The following ALCAM variants were observed in gnomAD, a reference collection of about 807,000 sequenced individuals.
The protein encoded by ALCAM is CD166 antigen.
ALCAM carries 30 observed loss-of-function variants against 70.9 expected under a neutral mutation model. The ratio of observed to expected loss-of-function variants is 0.42; its 90% CI spans 0.32 to 0.57. The LOEUF (loss-of-function observed/expected upper bound fraction) is 0.57. ALCAM is among the 20% of genes least tolerant of loss of function. The pLI is 0.11. For synonymous variants in ALCAM, 249 were observed against 242.5 expected (o/e 1.03, Z -0.25); for missense variants, 591 against 695.1 (o/e 0.85, Z 1.68).
At chr3:105,388,160 A>G (rs1935705735) in intron 1 of ALCAM, among the ~76,000 whole-genome samples, 1 of 151,656 alleles carries the variant, frequency 6.6e-6, no homozygotes, top group African/African-American at 2.4e-5. Flanking sequence ...AATTTTTGGG[A>G]GAGTATAATG....
chr3:105,445,712 C>T (rs1163829036), intron 1 of ALCAM, among the ~76,000 whole-genome samples: 1 of 151,992 alleles, frequency 6.6e-6, no homozygotes, highest in Non-Finnish European at 1.5e-5. Flanking sequence ...ACAAAGGTGC[C>T]AAGTATACAC....
intron 14 of ALCAM, among the ~76,000 whole-genome samples, chr3:105,565,216 C>CA (rs1940717025): frequency 6.6e-6 from 1 of 152,116 alleles, no homozygotes; most frequent in South Asian, 2.1e-4. Context: ...AAAATTTCAG[C>CA]AATTTTTTTA....
At chr3:105,559,099 G>A (rs1559656556) in intron 14 of ALCAM, among the ~76,000 whole-genome samples, 1 of 150,746 alleles carries the variant, frequency 6.6e-6, no homozygotes, top group Non-Finnish European at 1.5e-5. Context: ...TTAAAAAGAG[G>A]CACCGATGAG....
At chr3:105,507,628 A>G (rs1362795412) in intron 1 of ALCAM, among the ~76,000 whole-genome samples, 5 of 151,916 alleles carry the variant, frequency 3.3e-5, no homozygotes, top group Non-Finnish European at 7.4e-5. Context: ...GCTAAATAAT[A>G]TTTCATTGTC....
chr3:105,400,281 T>A (rs189533349), intron 1 of ALCAM, among the ~76,000 whole-genome samples: 4 of 152,282 alleles, frequency 2.6e-5, no homozygotes, highest in Admixed American at 2.6e-4. Context: ...ATAAAACAGA[T>A]ACTTTACTAT....
In ALCAM at chr3:105,520,113, C is replaced by T. The variant is rs752455089; in HGVS notation, c.120C>T (p.Ile40=). The T allele has an allele frequency of 2.4e-5, 39 of 1,613,120 alleles. 1 individual carries two copies. The East Asian group carries it at 6.9e-4, about 29-fold the overall frequency. Reference sequence around the variant, plus strand: ...ATTCAGCATATGGAGATACCATTATCATACCTTGCCGACTTGACGTACCTC... The same window carrying T: ...ATTCAGCATATGGAGATACCATTATTATACCTTGCCGACTTGACGTACCTC... ...TVNSAYGDTI[I]IPCRLDVPQN... is the part of the protein sequence containing the mutation. Residue 40 remains isoleucine, a synonymous_variant, in exon 2 of 16, where the codon ATC becomes ATT. Transcript: ENST00000306107.
chr3:105,470,095 A>G (rs1487952768), intron 1 of ALCAM, among the ~76,000 whole-genome samples: 1 of 131,006 alleles, frequency 7.6e-6, no homozygotes, highest in Non-Finnish European at 1.7e-5. Context: ...ATATACACAC[A>G]TATACATATA....
intron 1 of ALCAM, among the ~76,000 whole-genome samples, chr3:105,435,304 C>T (rs1460484565): frequency 6.6e-6 from 1 of 152,228 alleles, no homozygotes; most frequent in Non-Finnish European, 1.5e-5. Context: ...AAACGTGTCT[C>T]CTAGAGCTGT....
chr3:105,483,748 T>C (rs896147515), intron 1 of ALCAM, among the ~76,000 whole-genome samples: 4 of 152,098 alleles, frequency 2.6e-5, no homozygotes, highest in African/African-American at 9.7e-5. Context: ...GAGATCAAGA[T>C]ACCATGGAGA....
intron 14 of ALCAM, among the ~76,000 whole-genome samples, chr3:105,556,962 ACC>A (rs981897476): frequency 2.1e-4 from 31 of 150,756 alleles, no homozygotes; most frequent in African/African-American, 7.3e-4. Flanking sequence ...CATACAATTA[ACC>A]CCATTTTGTA....
chr3:105,392,743 C>T (rs950269001), intron 1 of ALCAM, among the ~76,000 whole-genome samples: 7 of 151,892 alleles, frequency 4.6e-5, no homozygotes, highest in Admixed American at 4.6e-4. Context: ...CTTAACACTG[C>T]TTTAGCTGTG....
At chr3:105,464,523 G>C (rs1937660269) in intron 1 of ALCAM, among the ~76,000 whole-genome samples, 1 of 151,068 alleles carries the variant, frequency 6.6e-6, no homozygotes, top group African/African-American at 2.4e-5. Context: ...AAGCATATTA[G>C]GACAAATAAC....
intron 1 of ALCAM, among the ~76,000 whole-genome samples, chr3:105,448,481 A>T (rs1454031504): frequency 3.3e-5 from 5 of 151,894 alleles, no homozygotes; most frequent in Non-Finnish European, 7.4e-5. Flanking sequence ...TCTATACATG[A>T]TACTGCCTTT....
intron 3 of ALCAM, 53 bp downstream of exon 3, chr3:105,524,561 G>C (rs1425023639): frequency 6.2e-7 from 1 of 1,604,742 alleles, no homozygotes; most frequent in Non-Finnish European, 8.5e-7. Context: ...GCCAGTACCA[G>C]ACCATGTTCT....
chr3:105,524,328 T>C lies in ALCAM; in HGVS notation c.214T>C (p.Ser72Pro), dbSNP rs778045642. The C allele has an allele frequency of 2.5e-6, 4 of 1,614,168 alleles. No individual in the cohort carries two copies. In the East Asian group the frequency reaches 8.9e-5, roughly 36 times the overall value. Reference protein sequence around the residue: ...DGSPVFIAFRSSTKKSVQYDD... With the variant: ...DGSPVFIAFRPSTKKSVQYDD... ...CTCCCCAGTATTTATTGCCTTCAGA[T>C]CCTCTACAAAGAAAAGTGTGCAGTA... is the stretch of plus-strand genomic sequence containing the variant. The change falls in exon 3 of 16, where the codon TCC (serine) becomes CCC (proline). Residue 72 changes from serine (S) to proline (P), a missense_variant. Ser to Pro is a moderately conservative substitution (Grantham distance 74, BLOSUM62 -1). Around this residue, in one of 2 missense-constraint regions of ALCAM, gnomAD observed 427 missense variants for 450.4 expected, o/e 0.95. Coordinates refer to ENST00000306107, the MANE Select transcript of ALCAM (RefSeq NM_001627.4).
intron 1 of ALCAM, among the ~76,000 whole-genome samples, chr3:105,433,903 C>T (rs112163954): frequency 6.1e-5 from 9 of 146,584 alleles, no homozygotes; most frequent in African/African-American, 5.0e-5. Flanking sequence ...ACTGCAAAAA[C>T]AGTCCTCCTG....
At chr3:105,423,716 G>A (rs1936725665) in intron 1 of ALCAM, among the ~76,000 whole-genome samples, 1 of 151,420 alleles carries the variant, frequency 6.6e-6, no homozygotes, top group Non-Finnish European at 1.5e-5. Context: ...ACAAATTGAT[G>A]TTTTCTCATT....
chr3:105,436,752 A>G (rs545098688), intron 1 of ALCAM, among the ~76,000 whole-genome samples: 4 of 152,198 alleles, frequency 2.6e-5, no homozygotes, highest in African/African-American at 4.8e-5. Context: ...CAAATTAAGC[A>G]TGTGCACATC....
intron 1 of ALCAM, among the ~76,000 whole-genome samples, chr3:105,376,831 G>A (rs1342480894): frequency 6.6e-6 from 1 of 152,108 alleles, no homozygotes; most frequent in Non-Finnish European, 1.5e-5. Flanking sequence ...GGATGCTAAG[G>A]TGGTAAGAAA....
Sources: gnomAD v4.1 joint callset for allele counts (sites outside exome capture counted in the v4.1 genomes callset) on GRCh38, gnomAD v4.1.1 for gene constraint, gnomAD v4.1.1 regional missense constraint, MANE v1.5 for transcripts, NCBI Gene and HGNC (gene_info 2026-07-23, HGNC 2026-07-21) for gene names.